FAM53A: variants seen among roughly 807,000 people sequenced by gnomAD.
FAM53A encodes family with sequence similarity 53 member A, also known as protein FAM53A.
Under a neutral mutation model 26.6 loss-of-function variants are expected in FAM53A, and 28 were observed. That is an observed-to-expected ratio of 1.05 (90% CI 0.78 to 1.45). FAM53A has a LOEUF of 1.45. Among genes scored for constraint, FAM53A ranks in the 40% most tolerant of loss-of-function variants. The pLI, the probability that FAM53A is intolerant of heterozygous loss-of-function variation, is 0.00. For missense variants in FAM53A, 650 were observed against 575.8 expected (o/e 1.13, Z -1.32); for synonymous variants, 290 against 253.1 (o/e 1.15, Z -1.38).
intron 1 of FAM53A, among the ~76,000 whole-genome samples, chr4:1,669,935 T>A (rs904053366): frequency 2.6e-5 from 4 of 152,188 alleles, no homozygotes; most frequent in Admixed American, 6.5e-5. Flanking sequence ...CCGGCCAGTC[T>A]TCTGGGGCCC....
intron 1 of FAM53A, among the ~76,000 whole-genome samples, chr4:1,682,577 G>T (rs1715525124): frequency 6.6e-6 from 1 of 151,906 alleles, no homozygotes; most frequent in Non-Finnish European, 1.5e-5. Flanking sequence ...TCCTTTTTTA[G>T]AAAAACATTT....
intron 1 of FAM53A, among the ~76,000 whole-genome samples, chr4:1,623,520 C>T (rs1047319048): frequency 6.6e-6 from 1 of 152,218 alleles, no homozygotes; most frequent in Non-Finnish European, 1.5e-5. Context: ...ACTTGGTCAC[C>T]CGCTGCAGGG....
In FAM53A at chr4:1,652,611, C is replaced by CCA. The variant is rs372846716; in HGVS notation, c.882+2365_882+2366dup. On this transcript the variant is annotated intron_variant, in intron 4 of 4. Transcript: ENST00000308132. ...CATCACACACACCACACATCACTCA[C>CCA]CACACACACACACACCAGACACACC... Among the ~76,000 whole-genome samples the CCA allele has an allele frequency of 5.6e-4, 83 of 147,544 alleles. No homozygotes were observed. In the South Asian group the frequency reaches 0.012, roughly 20 times the overall value.
At chr4:1,647,694 C>T (rs373307222) in intron 4 of FAM53A, among the ~76,000 whole-genome samples, 1 of 152,206 alleles carries the variant, frequency 6.6e-6, no homozygotes, top group Non-Finnish European at 1.5e-5. Flanking sequence ...TGTGAGCGAG[C>T]GTGAGCATGC....
chr4:1,650,212 C>T (rs1460279617), intron 4 of FAM53A, among the ~76,000 whole-genome samples: 2 of 103,258 alleles, frequency 1.9e-5, no homozygotes, highest in South Asian at 3.6e-4. Context: ...ACAGGCGTGA[C>T]ATTTGACTGT....
At chr4:1,581,707 T>C in the FAM53A span, among the ~76,000 whole-genome samples, 1 of 152,326 alleles carries the variant, frequency 6.6e-6, no homozygotes, top group Middle Eastern at 3.4e-3. Flanking sequence ...GCAATTCTCC[T>C]GCCCAGGCTC....
chr4:1,585,479 T>G, the FAM53A span, among the ~76,000 whole-genome samples: 1 of 151,928 alleles, frequency 6.6e-6, no homozygotes, highest in Non-Finnish European at 1.5e-5. Context: ...GGACGGGGTT[T>G]CACCACATTG....
At chr4:1,582,334 C>T in the FAM53A span, among the ~76,000 whole-genome samples, 1 of 152,224 alleles carries the variant, frequency 6.6e-6, no homozygotes, top group Non-Finnish European at 1.5e-5. Flanking sequence ...CCACGGCGTT[C>T]CTCCTGGACC....
At chr4:1,605,905 T>C in the FAM53A span, among the ~76,000 whole-genome samples, 10 of 152,156 alleles carry the variant, frequency 6.6e-5, no homozygotes, top group Non-Finnish European at 1.0e-4. This position sits in a 1 kb window ranked among gnomAD's most constrained non-coding sequence, Gnocchi z 5.7. Context: ...GGGACCCTCG[T>C]TGTCCCGTTC....
chr4:1,595,292 T>C, the FAM53A span, among the ~76,000 whole-genome samples: 1 of 152,214 alleles, frequency 6.6e-6, no homozygotes, highest in African/African-American at 2.4e-5. Context: ...GGCTCCTCTT[T>C]GTACAGACGC....
chr4:1,618,045 AG>A (rs775575848), exon 2 of FAM53A: 11 of 456,358 alleles, frequency 2.4e-5, no homozygotes, highest in South Asian at 1.7e-4. Context: ...GATGCCGTGA[AG>A]ATGGGAAGAT....
At chr4:1,583,364 A>G in the FAM53A span, among the ~76,000 whole-genome samples, 2 of 152,234 alleles carry the variant, frequency 1.3e-5, no homozygotes, top group Non-Finnish European at 2.9e-5. Flanking sequence ...AGGTGGCCAC[A>G]TCTTAGACCC....
the FAM53A span, among the ~76,000 whole-genome samples, chr4:1,595,993 C>T: frequency 7.1e-3 from 1,084 of 152,372 alleles, 8 homozygotes; most frequent in Non-Finnish European, 0.011. Context: ...ACCAGCACCA[C>T]CATCTTGAGA....
At chr4:1,658,807 GC>G (rs988525843) in intron 2 of FAM53A, among the ~76,000 whole-genome samples, 2 of 152,242 alleles carry the variant, frequency 1.3e-5, no homozygotes, top group Non-Finnish European at 2.9e-5. Flanking sequence ...CCTGCCGGGT[GC>G]CCGGCAAGCT....
In FAM53A at chr4:1,639,920, C is replaced by A. The variant is rs578022356; in HGVS notation, c.*1373G>T. 1 of 152,200 alleles carries A rather than the reference C, an allele frequency of 6.6e-6. No homozygotes were observed. Among genetic ancestry groups the A allele is most frequent in the South Asian group, 2.1e-4 (1 of 4,836 alleles). 9.4% of individuals were successfully genotyped at this position (152,200 alleles called of 1,614,324 possible). On this transcript the variant is annotated 3_prime_UTR_variant, in exon 5 of 5. Coordinates refer to ENST00000308132, the MANE Select transcript of FAM53A (RefSeq NM_001174070.3). The stretch of plus-strand genomic sequence containing the variant: ...TGCTATCGCAAACTCGAAACCCCTA[C>A]GATTTTATTAAAAGTGCAAGAATGA...
intron 1 of FAM53A, among the ~76,000 whole-genome samples, chr4:1,632,804 G>C (rs1577092730): frequency 6.6e-6 from 1 of 152,202 alleles, no homozygotes; most frequent in African/African-American, 2.4e-5. Flanking sequence ...GGACACACAT[G>C]CCCATGTGCA....
downstream of FAM53A, among the ~76,000 whole-genome samples, chr4:1,614,050 G>A (rs558885650): frequency 6.2e-4 from 95 of 152,308 alleles, no homozygotes; most frequent in African/African-American, 2.1e-3. Flanking sequence ...ATGCTCACGC[G>A]ACCAGCCTCA....
rs774653309 is a variant in FAM53A, at chr4:1,658,604, G to A, written c.76-1136C>T. ...CCTGGAAGCAGGAAAGCCACAGGGC[G>A]TGGTGGCAGCTGGAGGGTCTATAGG... is the stretch of plus-strand genomic sequence containing the variant. On this transcript the variant is annotated intron_variant, in intron 2 of 4. Coordinates refer to ENST00000308132, the MANE Select transcript of FAM53A (RefSeq NM_001174070.3). 1.4e-4 allele frequency among the ~76,000 whole-genome samples: 22 copies of A among 152,242 alleles called. 1 individual carries two copies. In the South Asian group the frequency reaches 2.9e-3, roughly 20 times the overall value.
At chr4:1,657,297 T>C (rs1713458730) in intron 3 of FAM53A, 111 bp downstream of exon 3, 1 of 1,010,174 alleles carries the variant, frequency 9.9e-7, no homozygotes, top group Non-Finnish European at 1.5e-6. Context: ...CACGAACACC[T>C]TCCTGGGCTT....
Sources: allele counts gnomAD v4.1 joint callset (sites outside exome capture counted in the v4.1 genomes callset), GRCh38; gene constraint gnomAD v4.1.1; non-coding constraint Gnocchi (gnomAD v3.1); transcripts MANE v1.5; gene names NCBI Gene and HGNC (gene_info 2026-07-23, HGNC 2026-07-21).